Variants in ADAMTSL1 observed in about 807,000 individuals in gnomAD.
The protein encoded by ADAMTSL1 is ADAMTS like 1.
A neutral mutation model predicts 201.8 loss-of-function variants in ADAMTSL1; 126 were observed. The ratio of observed to expected loss-of-function variants is 0.62; its 90% confidence interval spans 0.54 to 0.72. ADAMTSL1 has a LOEUF of 0.72. ADAMTSL1 is among the 30% of genes least tolerant of loss of function. The pLI, the probability that ADAMTSL1 is intolerant of heterozygous loss-of-function variation, is 0.00. For synonymous variants in ADAMTSL1, 1,121 were observed against 903.4 expected, an observed-to-expected ratio of 1.24 and a Z score of -4.32; for missense variants, 2,679 against 2,277.8, an observed-to-expected ratio of 1.18 and a Z score of -3.59.
chr9:18,373,988 A>G (rs528203388), intron 2 of ADAMTSL1, among the ~76,000 whole-genome samples: 41 of 152,314 alleles, frequency 2.7e-4, no homozygotes, highest in African/African-American at 9.4e-4. Context: ...GAACTGGGCT[A>G]GGAACTTTCC....
At chr9:18,662,228 T>C (rs1377280113) in intron 9 of ADAMTSL1, among the ~76,000 whole-genome samples, 155 bp downstream of exon 9, 1 of 152,194 alleles carries the variant, frequency 6.6e-6, no homozygotes, top group Non-Finnish European at 1.5e-5. Context: ...GTGTTATTAG[T>C]ACCCATACTC....
chr9:18,589,280 C>T (rs900708816), intron 4 of ADAMTSL1, among the ~76,000 whole-genome samples: 2 of 152,082 alleles, frequency 1.3e-5, no homozygotes, highest in East Asian at 1.9e-4. Context: ...TTTACTTATA[C>T]AGATCTCTCA....
At chr9:18,794,557 T>C (rs962897851) in intron 19 of ADAMTSL1, among the ~76,000 whole-genome samples, 1 of 152,122 alleles carries the variant, frequency 6.6e-6, no homozygotes, top group Non-Finnish European at 1.5e-5. Flanking sequence ...ATCCTCTCAA[T>C]ATGCAATTCT....
chr9:17,956,182 C>A (rs1461691276), intron 1 of ADAMTSL1, among the ~76,000 whole-genome samples: 2 of 152,204 alleles, frequency 1.3e-5, no homozygotes, highest in Admixed American at 1.3e-4. Flanking sequence ...CCTTGTAGTG[C>A]TTTTTGAAGT....
At chr9:17,926,428 C>T (rs1588427184) in intron 1 of ADAMTSL1, among the ~76,000 whole-genome samples, 1 of 152,028 alleles carries the variant, frequency 6.6e-6, no homozygotes, top group South Asian at 2.1e-4. Context: ...TCGTCAGGAA[C>T]GCTTGGCTCA....
At position 18,887,823 on chromosome 9, in the gene ADAMTSL1, C is replaced by T. The variant is rs1563889878; in HGVS notation, c.4250-8C>T. On this transcript the variant is annotated splice_polypyrimidine_tract_variant and splice_region_variant and intron_variant, in intron 23 of 28. Transcript: ENST00000380548. ...TACTAAGGCTTACTTCTTTTCCTCT[C>T]CTTCTAGGCTGCCCCATCAAAGGTC... is the stretch of plus-strand genomic sequence containing the variant. The T allele has an allele frequency of 6.2e-7, 1 of 1,612,364 alleles. No homozygotes were observed. Among genetic ancestry groups the T allele is most frequent in the African/African-American group, 1.3e-5 (1 of 75,014 alleles).
intron 1 of ADAMTSL1, among the ~76,000 whole-genome samples, chr9:18,089,202 G>T (rs888332490): frequency 3.3e-5 from 5 of 152,036 alleles, no homozygotes; most frequent in African/African-American, 9.7e-5. Context: ...GCCAGGTTTT[G>T]GTATCAGGAT....
chr9:18,898,828 A>G (rs1029555705), intron 26 of ADAMTSL1, among the ~76,000 whole-genome samples: 2 of 152,190 alleles, frequency 1.3e-5, no homozygotes, highest in African/African-American at 4.8e-5. Context: ...TATTTGACAA[A>G]TCAGCAGTTG....
chr9:17,992,924 C>A (rs571151235), intron 1 of ADAMTSL1, among the ~76,000 whole-genome samples: 132 of 152,078 alleles, frequency 8.7e-4, no homozygotes, highest in African/African-American at 3.0e-3. Context: ...TTACTGAATT[C>A]GAAAATCAAA....
At chr9:18,326,427 T>C (rs1157543157) in intron 2 of ADAMTSL1, among the ~76,000 whole-genome samples, 1 of 121,226 alleles carries the variant, frequency 8.2e-6, no homozygotes, top group Non-Finnish European at 1.8e-5. Flanking sequence ...ATGTAATTTT[T>C]TACCTAAAAA....
chr9:18,000,135 G>T (rs1024750198), intron 1 of ADAMTSL1, among the ~76,000 whole-genome samples: 1 of 150,452 alleles, frequency 6.6e-6, no homozygotes, highest in Non-Finnish European at 1.5e-5. Context: ...TGGGATGGCT[G>T]GGTCAAATGG....
chr9:18,432,806 C>T (rs990281659), intron 2 of ADAMTSL1, among the ~76,000 whole-genome samples: 21 of 152,226 alleles, frequency 1.4e-4, no homozygotes, highest in African/African-American at 4.1e-4. Context: ...ATTTGTAGTA[C>T]GATGGTTCTT....
chr9:18,193,690 C>A (rs1042763477), intron 2 of ADAMTSL1, among the ~76,000 whole-genome samples: 1 of 152,082 alleles, frequency 6.6e-6, no homozygotes, highest in Non-Finnish European at 1.5e-5. Context: ...AAGGACAGGC[C>A]GTCTGTTTGG....
chr9:18,104,835 A>G (rs1824687765), intron 1 of ADAMTSL1, among the ~76,000 whole-genome samples: 1 of 152,184 alleles, frequency 6.6e-6, no homozygotes, highest in South Asian at 2.1e-4. Flanking sequence ...GCAAGTCACT[A>G]TCACCCTAGG....
intron 1 of ADAMTSL1, among the ~76,000 whole-genome samples, chr9:18,483,704 G>C: frequency 6.6e-6 from 1 of 152,134 alleles, no homozygotes; most frequent in East Asian, 1.9e-4. Context: ...GCGGGTGCCT[G>C]TAGTCCCAGC....
At chr9:18,702,059 A>G (rs1831955080) in intron 13 of ADAMTSL1, among the ~76,000 whole-genome samples, 1 of 152,208 alleles carries the variant, frequency 6.6e-6, no homozygotes, top group Non-Finnish European at 1.5e-5. Context: ...GGATAGCGGC[A>G]GGCAAAAAAG....
intron 1 of ADAMTSL1, among the ~76,000 whole-genome samples, chr9:17,930,741 A>G (rs1826749213): frequency 6.6e-6 from 1 of 152,198 alleles, no homozygotes; most frequent in Admixed American, 6.5e-5. Flanking sequence ...ATCATTTTCA[A>G]CATTGTAAGG....
intron 2 of ADAMTSL1, among the ~76,000 whole-genome samples, chr9:18,426,199 G>A (rs1203513801): frequency 6.6e-6 from 1 of 152,084 alleles, no homozygotes; most frequent in African/African-American, 2.4e-5. Context: ...AGGGATAGGA[G>A]GGAGAATCCC....
chr9:18,266,635 T>C (rs2891123), intron 2 of ADAMTSL1, among the ~76,000 whole-genome samples: 100,718 of 151,902 alleles, frequency 0.66, 33,601 homozygotes, highest in South Asian at 0.77. Flanking sequence ...ATTCAAGTGT[T>C]TCTAAAGAGT....
Sources: allele counts gnomAD v4.1 joint callset (sites outside exome capture counted in the v4.1 genomes callset), GRCh38; gene constraint gnomAD v4.1.1; transcripts MANE v1.5; gene names NCBI Gene and HGNC (gene_info 2026-07-23, HGNC 2026-07-21).